The following GPC6 variants were observed in gnomAD, a reference collection of about 807,000 sequenced individuals.
The protein encoded by GPC6 is glypican 6.
In GPC6, 14 loss-of-function variants were observed where a neutral mutation model predicts 55.2. The ratio of observed to expected loss-of-function variants is 0.25; its 90% CI spans 0.17 to 0.40. The LOEUF is 0.40. GPC6 is among the 10% of genes least tolerant of loss of function. GPC6 has a pLI of 1.00. For synonymous variants in GPC6, 278 were observed against 259.6 expected (o/e 1.07, Z -0.68); for missense variants, 641 against 708.5 (o/e 0.90, Z 1.08).
Position 93,799,872 on chromosome 13 carries a change from A to C in GPC6, c.320-30282A>C, listed in dbSNP as rs115407532. Among the ~76,000 whole-genome samples, 572 of 152,290 alleles carry C rather than the reference A, an allele frequency of 3.8e-3. 5 individuals are homozygous for C. The highest frequency in any genetic ancestry group is 0.013 in the African/African-American group (541 of 41,554). The stretch of plus-strand genomic sequence containing the variant: ...CTAGATTCAGTAGGCTGTCTTAAAG[A>C]AGTTACTATCTAGTGGAAAAAATTC... On this transcript the variant is annotated intron_variant, in intron 2 of 8. Transcript: ENST00000377047.
chr13:93,879,569 T>C (rs1874826159), intron 3 of GPC6, among the ~76,000 whole-genome samples: 1 of 151,536 alleles, frequency 6.6e-6, no homozygotes, highest in African/African-American at 2.4e-5. Flanking sequence ...CAATTCAAGA[T>C]GGATTAAAGA....
chr13:93,855,419 T>C (rs1406240034), intron 3 of GPC6, among the ~76,000 whole-genome samples: 1 of 151,706 alleles, frequency 6.6e-6, no homozygotes, highest in East Asian at 1.9e-4. Flanking sequence ...ATTTTATTTA[T>C]CCATTCATCT....
chr13:94,117,546 T>A (rs987595644), intron 4 of GPC6, among the ~76,000 whole-genome samples: 5 of 152,044 alleles, frequency 3.3e-5, no homozygotes, highest in Non-Finnish European at 7.4e-5. Flanking sequence ...GAAGAAGAGG[T>A]GGTCAAGGCA....
chr13:94,200,871 G>C (rs1165752102), intron 4 of GPC6, among the ~76,000 whole-genome samples: 1 of 152,186 alleles, frequency 6.6e-6, no homozygotes, highest in African/African-American at 2.4e-5. Flanking sequence ...CCACATGGTG[G>C]TGATGTCAGA....
intron 2 of GPC6, among the ~76,000 whole-genome samples, chr13:93,643,617 A>G (rs1880052375): frequency 6.6e-6 from 1 of 152,088 alleles, no homozygotes; most frequent in South Asian, 2.1e-4. Flanking sequence ...AGTGACAAGA[A>G]CATTTCTTCT....
chr13:93,716,955 T>C (rs1883271992), intron 2 of GPC6, among the ~76,000 whole-genome samples: 1 of 151,620 alleles, frequency 6.6e-6, no homozygotes, highest in African/African-American at 2.4e-5. Flanking sequence ...TTGACTACAG[T>C]AGTCAGTACA....
chr13:94,117,244 C>T (rs912710745), intron 4 of GPC6, among the ~76,000 whole-genome samples: 2 of 152,058 alleles, frequency 1.3e-5, no homozygotes, highest in African/African-American at 4.8e-5. Flanking sequence ...CTGCTTTTAG[C>T]ACCAGACACA....
chr13:93,468,772 GC>G (rs1879004443), intron 1 of GPC6, among the ~76,000 whole-genome samples: 1 of 152,190 alleles, frequency 6.6e-6, no homozygotes, highest in African/African-American at 2.4e-5. Context: ...GAATGCAATT[GC>G]ACTATGCAAG....
intron 1 of GPC6, among the ~76,000 whole-genome samples, chr13:93,473,215 C>A (rs902878459): frequency 6.6e-6 from 1 of 152,202 alleles, no homozygotes; most frequent in Non-Finnish European, 1.5e-5. Flanking sequence ...CTCCTGCTGC[C>A]GTCCATGGGC....
At chr13:94,000,754 T>C (rs866120150) in intron 3 of GPC6, among the ~76,000 whole-genome samples, 1 of 152,176 alleles carries the variant, frequency 6.6e-6, no homozygotes, top group Non-Finnish European at 1.5e-5. Context: ...GCAAAATGAA[T>C]TTCAAAGCAA....
At chr13:93,601,181 G>A (rs923659255) in intron 2 of GPC6, among the ~76,000 whole-genome samples, 4 of 151,680 alleles carry the variant, frequency 2.6e-5, no homozygotes, top group African/African-American at 4.8e-5. Flanking sequence ...TTAAGGTCAG[G>A]AGTTCGAGCC....
intron 4 of GPC6, among the ~76,000 whole-genome samples, chr13:94,212,406 G>A (rs992269350): frequency 1.3e-5 from 2 of 152,042 alleles, no homozygotes; most frequent in East Asian, 3.9e-4. Context: ...TTAGTTTCCA[G>A]GGTAACATCT....
intron 1 of GPC6, among the ~76,000 whole-genome samples, chr13:93,297,643 A>G (rs1354504328): frequency 6.6e-6 from 1 of 151,952 alleles, no homozygotes; most frequent in East Asian, 1.9e-4. Flanking sequence ...GTAAAAAGTA[A>G]AAAACAAAAT....
chr13:93,992,035 C>A (rs778121768), intron 3 of GPC6, among the ~76,000 whole-genome samples: 1 of 151,354 alleles, frequency 6.6e-6, no homozygotes, highest in Non-Finnish European at 1.5e-5. Context: ...ATATAGACAT[C>A]TTTATGGTAT....
intron 4 of GPC6, among the ~76,000 whole-genome samples, chr13:94,144,902 C>T (rs988704552): frequency 3.3e-5 from 5 of 152,054 alleles, no homozygotes; most frequent in Non-Finnish European, 7.4e-5. Context: ...TAATGAAAAT[C>T]TTTAGGAACC....
Position 93,380,039 on chromosome 13 carries a change from T to A in GPC6, c.160+152423T>A, listed in dbSNP as rs1359806199. 2.0e-5 allele frequency among the ~76,000 whole-genome samples: 3 copies of A among 152,050 alleles called. No homozygotes were observed. The South Asian group carries it at 6.2e-4, about 32-fold the overall frequency. On this transcript the variant is annotated intron_variant, in intron 1 of 8. Transcript: ENST00000377047. ...GGGTAAGGCGATGCTGGGTGATATT[T>A]TTTCAGTGGGAAAATGCTGGTAAGG...
intron 1 of GPC6, among the ~76,000 whole-genome samples, chr13:93,488,099 C>T (rs577081775): frequency 6.6e-6 from 1 of 152,254 alleles, no homozygotes; most frequent in African/African-American, 2.4e-5. Context: ...AGGTATATCG[C>T]CTAATGCTAT....
chr13:93,772,021 G>A (rs998295923), intron 2 of GPC6, among the ~76,000 whole-genome samples: 14 of 152,092 alleles, frequency 9.2e-5, no homozygotes, highest in East Asian at 5.8e-4. Flanking sequence ...AATTTTTGAA[G>A]CGTTTGGAAG....
intron 1 of GPC6, among the ~76,000 whole-genome samples, chr13:93,471,548 A>T (rs1242624427): frequency 6.6e-6 from 1 of 151,954 alleles, no homozygotes; most frequent in Admixed American, 6.6e-5. Context: ...ATTTTCTCCT[A>T]TATTTAGCTT....
Sources: allele counts gnomAD v4.1 joint callset (sites outside exome capture counted in the v4.1 genomes callset), GRCh38; gene constraint gnomAD v4.1.1; transcripts MANE v1.5; gene names NCBI Gene and HGNC (gene_info 2026-07-23, HGNC 2026-07-21).